Variants in VRK3 observed in about 807,000 individuals in gnomAD.
VRK3 encodes VRK serine/threonine kinase 3, also known as serine/threonine-protein kinase VRK3.
A neutral mutation model predicts 60.4 loss-of-function variants in VRK3; 50 were observed. That is an observed-to-expected ratio of 0.83 (90% CI 0.66 to 1.05). VRK3 has a LOEUF of 1.05. Among genes scored for constraint, VRK3 ranks in the 50% least tolerant of loss-of-function variants. VRK3 has a pLI of 0.00. For synonymous variants in VRK3, 246 were observed against 227.8 expected, an observed-to-expected ratio of 1.08 and a Z score of -0.72; for missense variants, 549 against 585.3, an observed-to-expected ratio of 0.94 and a Z score of 0.64.
intron 1 of VRK3, among the ~76,000 whole-genome samples, chr19:50,024,243 T>G (rs2077224250): frequency 6.6e-6 from 1 of 152,108 alleles, no homozygotes; most frequent in African/African-American, 2.4e-5. Context: ...CAGCCAAATT[T>G]TTTGGATTTT....
At chr19:50,015,990 AC>A (rs1568815608) in intron 3 of VRK3, 33 bp downstream of exon 3, 2 of 1,613,882 alleles carry the variant, frequency 1.2e-6, no homozygotes, top group African/African-American at 2.7e-5. Context: ...CCTTATTCCC[AC>A]CGCAGAAACA....
intron 7 of VRK3, among the ~76,000 whole-genome samples, chr19:49,996,349 GC>G (rs1466610138): frequency 6.6e-6 from 1 of 152,038 alleles, no homozygotes; most frequent in African/African-American, 2.4e-5. Flanking sequence ...GAGCCACCGC[GC>G]CCGACTGCAT....
chr19:50,011,150 C>A (rs1281451853), intron 3 of VRK3, among the ~76,000 whole-genome samples: 2 of 152,138 alleles, frequency 1.3e-5, no homozygotes, highest in Non-Finnish European at 2.9e-5. Flanking sequence ...CCCAATAAAA[C>A]ACAGGCTCAA....
rs190598304 is a variant in VRK3 at position 49,993,466 on chromosome 19, A to C, written c.871-514T>G. ...CAGGCTGGAGTGCAGTGGTACAATC[A>C]CTGCTCACTGTAGCCTTGATTTCCC... On this transcript the variant is annotated intron_variant, in intron 9 of 14. Coordinates refer to ENST00000316763, the MANE Select transcript of VRK3 (RefSeq NM_016440.4). 5.3e-5 allele frequency among the ~76,000 whole-genome samples: 8 copies of C among 152,044 alleles called. No individual in the cohort carries two copies. The East Asian group carries it at 1.4e-3, about 26-fold the overall frequency.
In VRK3 at chr19:50,016,021, T is replaced by A; in HGVS notation, c.139+3A>T. ...GAAACAGGCTCAATGCTCTGGTTCT[T>A]ACCTTGGAAGGATGACACATGTGGA... On this transcript the variant is annotated splice_donor_region_variant and intron_variant, in intron 3 of 14. Coordinates refer to ENST00000316763, the MANE Select transcript of VRK3 (RefSeq NM_016440.4). 1 of 1,614,112 alleles carries A rather than the reference T, an allele frequency of 6.2e-7. No homozygotes were observed. Among genetic ancestry groups the A allele is most frequent in the South Asian group, 1.1e-5 (1 of 91,064 alleles).
rs772252334 is a variant in VRK3, at chr19:50,007,688, C to G, written c.428G>C (p.Ser143Thr). Residue 143 changes from serine (S) to threonine (T), a missense_variant, in exon 5 of 15, where the codon AGC becomes ACC. By Grantham distance (58) the Ser-to-Thr change is moderately conservative (BLOSUM62 1). Transcript: ENST00000316763. Reference protein sequence around the residue: ...TRQSPQTLKRSRVTTSLEALP... With the variant: ...TRQSPQTLKRTRVTTSLEALP... ...AGCTTCAAGTGAGGTGGTCACTCGG[C>G]TCCGCTTCAGCGTCTGAGGGCTCTG... is the stretch of plus-strand genomic sequence containing the variant. 1 of 1,614,198 alleles carries G rather than the reference C, an allele frequency of 6.2e-7. No individual in the cohort carries two copies. Among genetic ancestry groups the G allele is most frequent in the South Asian group, 1.1e-5 (1 of 91,086 alleles).
chr19:49,978,953 A>T, intron 14 of VRK3, 130 bp downstream of exon 14: 1 of 979,382 alleles, frequency 1.0e-6, no homozygotes, highest in Non-Finnish European at 1.4e-6. Context: ...GGAAAAACCC[A>T]GTGTCTCCCT....
chr19:50,010,708 T>C (rs1486747471), intron 3 of VRK3, among the ~76,000 whole-genome samples: 1 of 151,710 alleles, frequency 6.6e-6, no homozygotes, highest in South Asian at 2.1e-4. Context: ...AGGTCAGGAG[T>C]TTGAGGCCAG....
intron 3 of VRK3, among the ~76,000 whole-genome samples, chr19:50,009,953 T>C (rs753332252): frequency 3.3e-5 from 5 of 152,134 alleles, no homozygotes; most frequent in East Asian, 1.9e-4. Context: ...TTCCATGTAA[T>C]TTCTTAAAAT....
intron 12 of VRK3, among the ~76,000 whole-genome samples, chr19:49,982,900 C>G (rs1022957434): frequency 6.6e-6 from 1 of 152,112 alleles, no homozygotes; most frequent in Non-Finnish European, 1.5e-5. Context: ...CGGGCCAGCT[C>G]CCACCACCTG....
intron 2 of VRK3, among the ~76,000 whole-genome samples, chr19:50,017,966 G>T (rs756337432): frequency 2.6e-5 from 4 of 152,170 alleles, no homozygotes; most frequent in Non-Finnish European, 5.9e-5. Context: ...GGCTGCAAGA[G>T]ACCATTCTGA....
At chr19:50,019,516 T>G (rs76355839) in intron 2 of VRK3, among the ~76,000 whole-genome samples, 2,910 of 151,884 alleles carry the variant, frequency 0.019, 90 homozygotes, top group African/African-American at 0.066. Context: ...TACACTTCTT[T>G]TTTATTTTTT....
In VRK3 at chr19:49,981,093, ACACAGCC is replaced by A. The variant is rs2076414510; in HGVS notation, c.1218-87_1218-81del. 9 of 1,098,990 alleles carry A rather than the reference ACACAGCC, an allele frequency of 8.2e-6. No individual in the cohort carries two copies. In the Admixed American group the frequency reaches 2.8e-4, roughly 35 times the overall value. 68.1% of individuals were successfully genotyped at this position (1,098,990 alleles called of 1,614,324 possible). A position where few individuals can be genotyped will look rare whatever the true frequency, so the allele number is the denominator to read the frequency against. ...TTAAAACAGAATGCCTAAGATATAT[ACACAGCC>A]TAAGATATATACACAGTCCCCTCTG... On this transcript the variant is annotated intron_variant, in intron 12 of 14. Transcript: ENST00000316763.
intron 5 of VRK3, 85 bp from the exon 6 acceptor site, chr19:50,000,939 C>T (rs1254887837): frequency 2.2e-5 from 29 of 1,324,534 alleles, no homozygotes; most frequent in South Asian, 1.1e-4. Context: ...CAATGAGAAG[C>T]GGCTCTGGTG....
intron 1 of VRK3, among the ~76,000 whole-genome samples, chr19:50,023,171 G>T (rs764040378): frequency 6.6e-6 from 1 of 152,098 alleles, no homozygotes; most frequent in Non-Finnish European, 1.5e-5. Context: ...TCTTGGACAC[G>T]ATTTTACTGT....
Position 49,981,960 on chromosome 19 carries a change from G to A in VRK3, c.1218-947C>T, listed in dbSNP as rs370569934. On this transcript the variant is annotated intron_variant, in intron 12 of 14. Coordinates refer to ENST00000316763, the MANE Select transcript of VRK3 (RefSeq NM_016440.4). Reference sequence around the variant, plus strand: ...CTGAGAGGGGGTCACTGTGGCATCCGCACAGTTCAGTGGAATGTGGGGGCC... The same window carrying A: ...CTGAGAGGGGGTCACTGTGGCATCCACACAGTTCAGTGGAATGTGGGGGCC... 1.1e-5 allele frequency: 7 copies of A among 645,322 alleles called. No individual in the cohort carries two copies. In the African/African-American group the frequency reaches 1.1e-4, roughly 10 times the overall value. The allele number at this position is 645,322 out of a possible 1,614,324, so 40.0% of individuals were successfully genotyped here.
intron 3 of VRK3, chr19:50,015,788 G>A: frequency 1.8e-6 from 1 of 559,738 alleles, no homozygotes; most frequent in Non-Finnish European, 3.2e-6. Context: ...GGGGAGTCCA[G>A]GCTGGCTGGA....
chr19:49,995,663 G>A (rs2076689383), intron 7 of VRK3, among the ~76,000 whole-genome samples: 1 of 152,234 alleles, frequency 6.6e-6, no homozygotes, highest in South Asian at 2.1e-4. Context: ...TCTCAGTGGG[G>A]TGGACCAGAA....
rs1042760742 is a variant in VRK3, at chr19:50,003,216, A to G, written c.548-2362T>C. Among the ~76,000 whole-genome samples, 3 of 152,086 alleles carry G rather than the reference A, an allele frequency of 2.0e-5. No individual in the cohort carries two copies. In the South Asian group the frequency reaches 6.2e-4, roughly 32 times the overall value. On this transcript the variant is annotated intron_variant, in intron 5 of 14. Coordinates refer to ENST00000316763, the MANE Select transcript of VRK3 (RefSeq NM_016440.4). ...CAGGCCCTGCTGGGGACCCTGACTGACTTCTCCCCTCCGGCCTCCAGAAGG... is the reference window on the plus strand; with the variant it reads ...CAGGCCCTGCTGGGGACCCTGACTGGCTTCTCCCCTCCGGCCTCCAGAAGG...
Sources: allele counts gnomAD v4.1 joint callset (sites outside exome capture counted in the v4.1 genomes callset), GRCh38; gene constraint gnomAD v4.1.1; transcripts MANE v1.5; gene names NCBI Gene and HGNC (gene_info 2026-07-23, HGNC 2026-07-21).